The following MYLK3 variants were observed in gnomAD, a reference collection of about 807,000 sequenced individuals.
The protein encoded by MYLK3 is myosin light chain kinase 3.
Under a neutral mutation model 76.3 loss-of-function variants are expected in MYLK3, and 55 were observed. That is an observed-to-expected ratio of 0.72 (90% CI 0.58 to 0.90). The LOEUF (loss-of-function observed/expected upper bound fraction) is 0.90, where lower values mean the gene tolerates loss of function less well. Ranked by LOEUF, MYLK3 falls within the 40% of genes least tolerant of loss-of-function variation. The pLI is 0.00. For missense variants in MYLK3, 973 were observed against 1,053.6 expected, an observed-to-expected ratio of 0.92 and a Z score of 1.06; for synonymous variants, 416 against 425.4, an observed-to-expected ratio of 0.98 and a Z score of 0.27.
chr16:46,737,616 G>C (rs1966875155), intron 3 of MYLK3, 95 bp downstream of exon 3: 4 of 1,238,956 alleles, frequency 3.2e-6, no homozygotes, highest in Non-Finnish European at 4.5e-6. Flanking sequence ...AACAGCCCAG[G>C]AACATGTATG....
rs751707118 is a variant in MYLK3 at position 46,732,251 on chromosome 16, T to C, written c.1419A>G (p.Val473=). 77 of 1,600,858 alleles carry C rather than the reference T, an allele frequency of 4.8e-5. No individual in the cohort carries two copies. Among genetic ancestry groups the C allele is most frequent in the Non-Finnish European group, 5.3e-5 (62 of 1,177,556 alleles). ...CCTCGGCGCCTGGGGGCATCCTCCT[T>C]ACTGCTTCAGCTCTCACCGGAGCCC... ...AARAPVRAEA[V]RRMPPGAEAG... Residue 473 remains valine (V), a synonymous_variant, in exon 4 of 13, where the codon GTA becomes GTG. Transcript: ENST00000394809.
chr16:46,752,044 T>C (rs1266501495), upstream of MYLK3, among the ~76,000 whole-genome samples: 3 of 151,900 alleles, frequency 2.0e-5, no homozygotes, highest in Admixed American at 6.6e-5. Flanking sequence ...GAGCAGCAAA[T>C]ACAATAACCC....
At chr16:46,757,368 C>T in intron 1 of MYLK3, 1 of 985,358 alleles carries the variant, frequency 1.0e-6, no homozygotes, top group Middle Eastern at 5.2e-4. Flanking sequence ...CGTGCCCTAC[C>T]AATTGTTCCT....
rs947993075 is a variant in MYLK3, at chr16:46,709,413, C to A, written c.2400+126G>T. 10 of 1,064,732 alleles carry A rather than the reference C, an allele frequency of 9.4e-6. No individual in the cohort carries two copies. In the South Asian group the frequency reaches 1.4e-4, roughly 15 times the overall value. The allele number at this position is 1,064,732 out of a possible 1,614,324, so 66.0% of individuals were successfully genotyped here. The stretch of plus-strand genomic sequence containing the variant: ...CTCCAGCCTGGGCAACAGAGCAAGA[C>A]CCTGTCTATAAAAACAAACCCAAAA... On this transcript the variant is annotated intron_variant, in intron 12 of 12. Transcript: ENST00000394809.
chr16:46,732,484 C>T lies in MYLK3; in HGVS notation c.1186G>A (p.Gly396Arg). The T allele has an allele frequency of 6.2e-7, 1 of 1,609,336 alleles. No homozygotes were observed. Among genetic ancestry groups the T allele is most frequent in the Non-Finnish European group, 8.5e-7 (1 of 1,179,956 alleles). The change falls in exon 4 of 13, where the codon GGA (glycine) becomes AGA (arginine). Residue 396 changes from glycine (G) to arginine (R), a missense_variant. Transcript: ENST00000394809. ...TGCAGCGGGGAGAGCTCTCTGGCTC[C>T]TTCAGGGGTCTGTTCTCCGGGCTCA... ...GTEPGEQTPE[G>R]ARELSPLQES...
At chr16:46,725,349 C>T (rs1290031496) in intron 8 of MYLK3, among the ~76,000 whole-genome samples, 1 of 152,180 alleles carries the variant, frequency 6.6e-6, no homozygotes, top group Non-Finnish European at 1.5e-5. Context: ...ATATCCTTGT[C>T]TTATTCCTGA....
Position 46,755,073 on chromosome 16 carries a change from G to A in MYLK3, c.-114+7967C>T, listed in dbSNP as rs145511023. Among the ~76,000 whole-genome samples, 248 of 151,554 alleles carry A rather than the reference G, an allele frequency of 1.6e-3. 1 individual carries two copies. Among genetic ancestry groups the A allele is most frequent in the African/African-American group, 5.6e-3 (232 of 41,302 alleles). On this transcript the variant is annotated intron_variant, in intron 1 of 11. Transcript: ENST00000536476. ...ACTACGCTTGGCTAATTTTTGTGGG[G>A]TTTTTTTTAGAGATGGGGTTTTGCC...
At chr16:46,719,836 C>T (rs1484759941) in intron 9 of MYLK3, among the ~76,000 whole-genome samples, 1 of 152,230 alleles carries the variant, frequency 6.6e-6, no homozygotes, top group Non-Finnish European at 1.5e-5. Flanking sequence ...ACATTAGCCA[C>T]ACTGCACTAG....
chr16:46,736,553 G>A (rs1469804689), intron 3 of MYLK3, among the ~76,000 whole-genome samples: 1 of 152,114 alleles, frequency 6.6e-6, no homozygotes, highest in Non-Finnish European at 1.5e-5. Context: ...TTCACCCCCA[G>A]CCCCAGATTC....
chr16:46,735,196 T>TA (rs1177016527), intron 3 of MYLK3, among the ~76,000 whole-genome samples: 1 of 152,080 alleles, frequency 6.6e-6, no homozygotes. Flanking sequence ...ATGTGGTTTT[T>TA]ACCCCTATTT....
intron 1 of MYLK3, among the ~76,000 whole-genome samples, chr16:46,758,314 T>A (rs5015732): frequency 0.36 from 33,478 of 93,508 alleles, 4,472 homozygotes; most frequent in East Asian, 0.53. Flanking sequence ...ACTCTCTCTC[T>A]CTCTCTCTCT....
rs540458399 is a variant in MYLK3 at position 46,732,878 on chromosome 16, T to G, written c.1002-210A>C. Among the ~76,000 whole-genome samples, 4 of 152,284 alleles carry G rather than the reference T, an allele frequency of 2.6e-5. No homozygotes were observed. In the South Asian group the frequency reaches 8.3e-4, roughly 32 times the overall value. The stretch of plus-strand genomic sequence containing the variant: ...ATGAGGGTCCTGGGAAGCTTGAGAA[T>G]GGACAGGGGTGAGGACCATACACCC... On this transcript the variant is annotated intron_variant, in intron 3 of 12. Transcript: ENST00000394809.
In MYLK3 at chr16:46,706,057, A is replaced by C. The variant is rs1411455741; in HGVS notation, c.*1647T>G. ...ATGACAGGGCTACTCTAATGCATATAGAAAAGTGTTTAAATGTACAGTGGA... is the reference window on the plus strand; with the variant it reads ...ATGACAGGGCTACTCTAATGCATATCGAAAAGTGTTTAAATGTACAGTGGA... On this transcript the variant is annotated 3_prime_UTR_variant, in exon 13 of 13. Coordinates refer to ENST00000394809, the MANE Select transcript of MYLK3 (RefSeq NM_182493.3). The C allele has an allele frequency of 1.3e-5, 2 of 152,096 alleles. No individual in the cohort carries two copies. Among genetic ancestry groups the C allele is most frequent in the Non-Finnish European group, 2.9e-5 (2 of 68,034 alleles). 9.4% of individuals were successfully genotyped at this position (152,096 alleles called of 1,614,324 possible).
chr16:46,732,100 G>A, intron 4 of MYLK3, 108 bp downstream of exon 4: 1 of 951,568 alleles, frequency 1.1e-6, no homozygotes, highest in Non-Finnish European at 1.5e-6. Flanking sequence ...GACGCCCCCA[G>A]ACTCATATGA....
chr16:46,725,430 G>A (rs531272398), intron 8 of MYLK3, among the ~76,000 whole-genome samples: 44 of 152,260 alleles, frequency 2.9e-4, no homozygotes, highest in Admixed American at 2.3e-3. Flanking sequence ...ACAAATGGCC[G>A]TTATCAGGTT....
At chr16:46,707,806 T>A in intron 12 of MYLK3, 43 bp from the exon 13 acceptor site, 1 of 1,420,528 alleles carries the variant, frequency 7.0e-7, no homozygotes, top group African/African-American at 1.4e-5. Flanking sequence ...AAGCATGTAT[T>A]TTAGACCAGT....
intron 1 of MYLK3, among the ~76,000 whole-genome samples, chr16:46,746,688 G>T (rs1967030405): frequency 6.6e-6 from 1 of 152,168 alleles, no homozygotes; most frequent in African/African-American, 2.4e-5. Context: ...GCCTCCCAAA[G>T]CACTAGGATT....
Position 46,706,751 on chromosome 16 carries a change from G to A in MYLK3, c.*953C>T, listed in dbSNP as rs937909850. ...TGAGTAGGCTGCAGAGTGGGATGAAGAGGAGAGCATGGTGTTGCTGTCTCA... is the reference window on the plus strand; with the variant it reads ...TGAGTAGGCTGCAGAGTGGGATGAAAAGGAGAGCATGGTGTTGCTGTCTCA... On this transcript the variant is annotated 3_prime_UTR_variant, in exon 13 of 13. Transcript: ENST00000394809. 1.3e-5 allele frequency: 2 copies of A among 152,264 alleles called. No individual in the cohort carries two copies. The highest frequency in any genetic ancestry group is 2.9e-5 in the Non-Finnish European group (2 of 68,068). 9.4% of individuals were successfully genotyped at this position (152,264 alleles called of 1,614,324 possible).
chr16:46,737,907 C>T lies in MYLK3; in HGVS notation c.805G>A (p.Gly269Ser), dbSNP rs144720678. 2.3e-4 allele frequency: 378 copies of T among 1,614,168 alleles called. 7 individuals are homozygous for T. Among genetic ancestry groups the T allele is most frequent in the Admixed American group, 2.0e-3 (123 of 60,030 alleles). ...CTCGGGGAGACCACATTGACCCTGCCGGGTGCTGGAGCCAATTCCAGGCCA... is the reference window on the plus strand; with the variant it reads ...CTCGGGGAGACCACATTGACCCTGCTGGGTGCTGGAGCCAATTCCAGGCCA... ...RTGLELAPAPGRVNVVSPSLE... is the reference protein window; with the variant it reads ...RTGLELAPAPSRVNVVSPSLE... Residue 269 changes from glycine (G) to serine (S), a missense_variant, in exon 3 of 13, where the codon GGC becomes AGC. By Grantham distance (56) the Gly-to-Ser change is moderately conservative (BLOSUM62 0). Coordinates refer to ENST00000394809, the MANE Select transcript of MYLK3 (RefSeq NM_182493.3).
Sources: allele counts gnomAD v4.1 joint callset (sites outside exome capture counted in the v4.1 genomes callset), GRCh38; gene constraint gnomAD v4.1.1; transcripts MANE v1.5; gene names NCBI Gene and HGNC (gene_info 2026-07-23, HGNC 2026-07-21).